The following KCNQ3 variants were observed in gnomAD, a reference collection of about 807,000 sequenced individuals.
KCNQ3 encodes the protein potassium voltage-gated channel subfamily Q member 3, also known as potassium voltage-gated channel subfamily KQT member 3.
Under a neutral mutation model 92.5 loss-of-function variants are expected in KCNQ3, and 30 were observed. The ratio of observed to expected loss-of-function variants is 0.32; its 90% CI spans 0.24 to 0.44. The LOEUF (loss-of-function observed/expected upper bound fraction) is 0.44. Among genes scored for constraint, KCNQ3 ranks in the 20% least tolerant of loss-of-function variants. The pLI, the probability that KCNQ3 is intolerant of heterozygous loss-of-function variation, is 1.00. For synonymous variants in KCNQ3, 450 were observed against 468.8 expected, an observed-to-expected ratio of 0.96 and a Z score of 0.52; for missense variants, 913 against 1,140.3, an observed-to-expected ratio of 0.80 and a Z score of 2.87.
intron 1 of KCNQ3, among the ~76,000 whole-genome samples, chr8:132,339,113 T>C (rs1202029988): frequency 6.6e-6 from 1 of 152,208 alleles, no homozygotes; most frequent in Non-Finnish European, 1.5e-5. Context: ...TGTTCTACCA[T>C]TAATCAGGCA....
chr8:132,230,449 C>CAGAGAGAGAGAGAGAGAGAGAGACAG (rs1814602471), intron 1 of KCNQ3, among the ~76,000 whole-genome samples: 3 of 142,362 alleles, frequency 2.1e-5, no homozygotes, highest in African/African-American at 7.7e-5. Context: ...GAGAGAGAGA[C>CAGAGAGAGAGAGAGAGAGAGAGACAG]AGAGAGAGAG....
At chr8:132,314,592 TTATC>T (rs749951366) in intron 1 of KCNQ3, among the ~76,000 whole-genome samples, 17 of 152,186 alleles carry the variant, frequency 1.1e-4, no homozygotes, top group Non-Finnish European at 2.2e-4. Flanking sequence ...TCAAAAATGG[TTATC>T]TATGTAACAG....
At chr8:132,270,066 C>A (rs906931475) in intron 1 of KCNQ3, among the ~76,000 whole-genome samples, 1 of 152,050 alleles carries the variant, frequency 6.6e-6, no homozygotes, top group Non-Finnish European at 1.5e-5. Flanking sequence ...CTTTCTCTAA[C>A]CTTCCCGCTT....
intron 3 of KCNQ3, among the ~76,000 whole-genome samples, chr8:132,181,336 G>A (rs1033700276): frequency 2.6e-5 from 4 of 151,886 alleles, no homozygotes; most frequent in East Asian, 1.9e-4. Flanking sequence ...GTAAATTTGG[G>A]GAAAAACTCC....
intron 1 of KCNQ3, among the ~76,000 whole-genome samples, chr8:132,447,489 G>GA (rs1309487659): frequency 1.4e-4 from 21 of 151,606 alleles, no homozygotes; most frequent in African/African-American, 2.9e-4. Flanking sequence ...GAAAGAGACT[G>GA]AAAAAAAACA....
rs535569304 is a variant in KCNQ3, at chr8:132,369,257, G to A, written c.386+110890C>T. 9.2e-5 allele frequency among the ~76,000 whole-genome samples: 14 copies of A among 152,202 alleles called. 1 individual carries two copies. In the South Asian group the frequency reaches 2.5e-3, roughly 27 times the overall value. On this transcript the variant is annotated intron_variant, in intron 1 of 14. Transcript: ENST00000388996. ...TTTCTTAGGTTTCTGTATATGAAGC[G>A]ACTTTTATCATTCCTTCTTTACATA...
chr8:132,366,042 T>A (rs1460816258), intron 1 of KCNQ3, among the ~76,000 whole-genome samples: 1 of 152,132 alleles, frequency 6.6e-6, no homozygotes, highest in South Asian at 2.1e-4. Flanking sequence ...TACCACTATA[T>A]TTATATTGAG....
At chr8:132,422,199 A>G (rs572581751) in intron 1 of KCNQ3, among the ~76,000 whole-genome samples, 1 of 152,204 alleles carries the variant, frequency 6.6e-6, no homozygotes, top group East Asian at 1.9e-4. Flanking sequence ...CATCTAATGC[A>G]GTTGCTCCAA....
intron 1 of KCNQ3, among the ~76,000 whole-genome samples, chr8:132,263,747 A>T (rs904738681): frequency 6.6e-5 from 10 of 152,254 alleles, no homozygotes; most frequent in Non-Finnish European, 1.5e-4. Context: ...GGCTCAGGTT[A>T]GAACAGCAGC....
intron 1 of KCNQ3, among the ~76,000 whole-genome samples, chr8:132,280,725 TATTCC>T (rs1816488620): frequency 6.6e-6 from 1 of 152,162 alleles, no homozygotes; most frequent in Non-Finnish European, 1.5e-5. Flanking sequence ...ACAGAAAGCA[TATTCC>T]AGGCAGAGGG....
chr8:132,222,080 C>T (rs1315800446), intron 1 of KCNQ3, among the ~76,000 whole-genome samples: 1 of 152,132 alleles, frequency 6.6e-6, no homozygotes, highest in Non-Finnish European at 1.5e-5. Context: ...TCTAATTAAA[C>T]TAAAGAGCTT....
At chr8:132,331,549 C>T (rs895787568) in intron 1 of KCNQ3, among the ~76,000 whole-genome samples, 10 of 152,266 alleles carry the variant, frequency 6.6e-5, no homozygotes, top group South Asian at 2.1e-4. Flanking sequence ...GTGGCTGCTG[C>T]TTCCTCCCCT....
At chr8:132,456,596 TTTTTTTA>T (rs373612661) in intron 1 of KCNQ3, among the ~76,000 whole-genome samples, 2 of 148,038 alleles carry the variant, frequency 1.4e-5, no homozygotes, top group African/African-American at 2.5e-5. Flanking sequence ...CTTTCTATTT[TTTTTTTA>T]TTTTATTTAT....
chr8:132,230,483 A>G (rs367596348), intron 1 of KCNQ3, among the ~76,000 whole-genome samples: 16 of 142,472 alleles, frequency 1.1e-4, no homozygotes, highest in African/African-American at 3.3e-4. Flanking sequence ...GAGAGAGAGA[A>G]AATCCTTTAA....
chr8:132,229,177 C>T (rs144957119), intron 1 of KCNQ3, among the ~76,000 whole-genome samples: 2,735 of 151,814 alleles, frequency 0.018, 48 homozygotes, highest in South Asian at 0.049. Flanking sequence ...TCACTTGAAC[C>T]CGGGAGGAAG....
chr8:132,363,568 C>A (rs73708408), intron 1 of KCNQ3, among the ~76,000 whole-genome samples: 1,970 of 152,072 alleles, frequency 0.013, 42 homozygotes, highest in African/African-American at 0.045. Flanking sequence ...CTCATACATG[C>A]GGGCAGCCCC....
intron 5 of KCNQ3, among the ~76,000 whole-genome samples, chr8:132,175,211 G>A (rs377167063): frequency 4.6e-5 from 7 of 152,314 alleles, no homozygotes; most frequent in Non-Finnish European, 8.8e-5. Context: ...GTCCATAAAC[G>A]ACCATGCAAC....
intron 9 of KCNQ3, among the ~76,000 whole-genome samples, chr8:132,142,776 G>C (rs953601213): frequency 2.6e-5 from 4 of 152,208 alleles, no homozygotes; most frequent in Admixed American, 2.0e-4. Context: ...GGTTAGGCTA[G>C]TCATGTGCCC....
At chr8:132,375,921 T>A (rs1180872540) in intron 1 of KCNQ3, among the ~76,000 whole-genome samples, 1 of 152,220 alleles carries the variant, frequency 6.6e-6, no homozygotes, top group African/African-American at 2.4e-5. Context: ...TTCACCACTC[T>A]GGAGTCAATT....
Sources: allele counts gnomAD v4.1 joint callset (sites outside exome capture counted in the v4.1 genomes callset), GRCh38; gene constraint gnomAD v4.1.1; transcripts MANE v1.5; gene names NCBI Gene and HGNC (gene_info 2026-07-23, HGNC 2026-07-21).